Variants in PLXDC2 observed in about 807,000 individuals in gnomAD.
The protein encoded by PLXDC2 is plexin domain containing 2.
PLXDC2 carries 40 observed loss-of-function variants against 68.9 expected under a neutral mutation model. That is an observed-to-expected ratio of 0.58 (90% CI 0.45 to 0.76). The LOEUF is 0.76. PLXDC2 is among the 30% of genes least tolerant of loss of function. The probability of loss-of-function intolerance (pLI) is 0.00; values close to 1 mark genes in which losing one functional copy is unlikely to be tolerated. For missense variants in PLXDC2, 644 were observed against 661.9 expected (o/e 0.97, Z 0.30); for synonymous variants, 243 against 234.2 (o/e 1.04, Z -0.34).
At chr10:20,050,717 C>A (rs551791170) in intron 3 of PLXDC2, among the ~76,000 whole-genome samples, 70 of 150,382 alleles carry the variant, frequency 4.7e-4, no homozygotes, top group Non-Finnish European at 3.3e-4. Context: ...AAAAACAAAA[C>A]AAACAAACAA....
At position 20,109,754 on chromosome 10, in the gene PLXDC2, G is replaced by T. The variant is rs529727122; in HGVS notation, c.542-33541G>T. Reference sequence around the variant, plus strand: ...CCATTGCAATGAATCTTTAGAACTCGAATGACTTAACTATTCAATTAACTT... The same window carrying T: ...CCATTGCAATGAATCTTTAGAACTCTAATGACTTAACTATTCAATTAACTT... On this transcript the variant is annotated intron_variant, in intron 4 of 13. Transcript: ENST00000377252. 4.6e-5 allele frequency among the ~76,000 whole-genome samples: 7 copies of T among 152,210 alleles called. No homozygotes were observed. The South Asian group carries it at 6.2e-4, about 14-fold the overall frequency.
At chr10:20,223,518 G>T (rs983677242) in intron 12 of PLXDC2, among the ~76,000 whole-genome samples, 8 of 151,788 alleles carry the variant, frequency 5.3e-5, no homozygotes, top group African/African-American at 1.9e-4. Context: ...CCACCATGTT[G>T]GCCAGGCTGG....
At chr10:20,269,754 A>G (rs931566359) in intron 13 of PLXDC2, among the ~76,000 whole-genome samples, 4 of 152,146 alleles carry the variant, frequency 2.6e-5, no homozygotes, top group African/African-American at 9.7e-5. Flanking sequence ...ATGATGGCTC[A>G]CACCTGTGAT....
At chr10:19,915,670 C>T (rs1667518981) in intron 1 of PLXDC2, among the ~76,000 whole-genome samples, 1 of 151,988 alleles carries the variant, frequency 6.6e-6, no homozygotes, top group Non-Finnish European at 1.5e-5. Context: ...TTTCTTCCAT[C>T]TTGAGGTCCC....
intron 13 of PLXDC2, among the ~76,000 whole-genome samples, chr10:20,257,193 A>G (rs1308887021): frequency 6.6e-6 from 1 of 152,196 alleles, no homozygotes; most frequent in African/African-American, 2.4e-5. Flanking sequence ...TGAGCTCTTC[A>G]TTACCAGGGT....
At chr10:19,862,254 G>C (rs980659488) in intron 1 of PLXDC2, among the ~76,000 whole-genome samples, 1 of 152,130 alleles carries the variant, frequency 6.6e-6, no homozygotes, top group Non-Finnish European at 1.5e-5. Context: ...AAAGCTTATG[G>C]TTCTTGTGAC....
chr10:20,072,424 GAGAA>G (rs60778723), intron 4 of PLXDC2, among the ~76,000 whole-genome samples: 1 of 130,230 alleles, frequency 7.7e-6, no homozygotes, highest in Non-Finnish European at 1.6e-5. Context: ...GAAAGAAAGA[GAGAA>G]AGAAAGAAGA....
At chr10:19,881,307 G>A (rs1483270538) in intron 1 of PLXDC2, among the ~76,000 whole-genome samples, 2 of 151,878 alleles carry the variant, frequency 1.3e-5, no homozygotes. Context: ...GTAGACACAG[G>A]GTTTCACCAT....
chr10:19,832,564 T>A (rs1406979317), intron 1 of PLXDC2, among the ~76,000 whole-genome samples: 2 of 152,264 alleles, frequency 1.3e-5, no homozygotes, highest in African/African-American at 4.8e-5. Flanking sequence ...TCAATTTGCA[T>A]AATTTTTATA....
At chr10:19,966,721 C>T (rs1264555481) in intron 1 of PLXDC2, among the ~76,000 whole-genome samples, 1 of 152,132 alleles carries the variant, frequency 6.6e-6, no homozygotes. Context: ...TGTAGTCCCA[C>T]CACACTAGGC....
intron 4 of PLXDC2, among the ~76,000 whole-genome samples, chr10:20,115,251 G>T (rs556088294): frequency 6.6e-6 from 1 of 152,106 alleles, no homozygotes; most frequent in South Asian, 2.1e-4. Context: ...GATAGCAAAG[G>T]CCACTTGAGA....
chr10:20,159,173 A>T (rs7087157), intron 6 of PLXDC2, among the ~76,000 whole-genome samples: 44,931 of 151,980 alleles, frequency 0.3, 7,334 homozygotes, highest in East Asian at 0.51. Context: ...ATGTTTCAGG[A>T]CTGGTCTTGA....
Position 19,846,462 on chromosome 10 carries a change from G to A in PLXDC2, c.112+29271G>A, listed in dbSNP as rs148406555. ...TGACCCTTTGGTTTTCAAAGGGACT[G>A]CGTTATTGATGTGATACCTTCCATT... On this transcript the variant is annotated intron_variant, in intron 1 of 13. Transcript: ENST00000377252. Among the ~76,000 whole-genome samples, 4 of 152,196 alleles carry A rather than the reference G, an allele frequency of 2.6e-5. No homozygotes were observed. In the East Asian group the frequency reaches 5.8e-4, roughly 22 times the overall value.
In PLXDC2 at chr10:20,138,780, G is replaced by T. The variant is rs190795518; in HGVS notation, c.542-4515G>T. Reference sequence around the variant, plus strand: ...ATACTAAAATTAGCTGGGCATGGTGGTGCACACCTGTAATCCCAGCCACTC... The same window carrying T: ...ATACTAAAATTAGCTGGGCATGGTGTTGCACACCTGTAATCCCAGCCACTC... On this transcript the variant is annotated intron_variant, in intron 4 of 13. Coordinates refer to ENST00000377252, the MANE Select transcript of PLXDC2 (RefSeq NM_032812.9). 4.5e-3 allele frequency among the ~76,000 whole-genome samples: 680 copies of T among 152,200 alleles called. 12 individuals are homozygous for T. The highest frequency in any genetic ancestry group is 7.0e-3 in the East Asian group (36 of 5,158).
chr10:20,238,158 A>T (rs1372449947), intron 12 of PLXDC2, among the ~76,000 whole-genome samples: 2 of 149,764 alleles, frequency 1.3e-5, no homozygotes, highest in East Asian at 1.9e-4. Flanking sequence ...AAATATATAT[A>T]TGTATATACA....
At chr10:19,837,670 A>G (rs545830686) in intron 1 of PLXDC2, among the ~76,000 whole-genome samples, 1 of 152,292 alleles carries the variant, frequency 6.6e-6, no homozygotes, top group South Asian at 2.1e-4. Flanking sequence ...GGATTTTGCA[A>G]TTTGTTTTAT....
intron 13 of PLXDC2, among the ~76,000 whole-genome samples, chr10:20,278,751 T>C (rs1490988291): frequency 6.6e-6 from 1 of 152,208 alleles, no homozygotes; most frequent in Non-Finnish European, 1.5e-5. Flanking sequence ...ATATGTACAC[T>C]GACATATAAC....
At chr10:19,919,883 T>C (rs571592493) in intron 1 of PLXDC2, among the ~76,000 whole-genome samples, 2 of 152,360 alleles carry the variant, frequency 1.3e-5, no homozygotes, top group East Asian at 3.9e-4. Flanking sequence ...AACTACCTTC[T>C]AGTGTGTGAA....
chr10:20,156,195 T>G (rs1834214789), intron 6 of PLXDC2, among the ~76,000 whole-genome samples: 2 of 152,176 alleles, frequency 1.3e-5, no homozygotes, highest in African/African-American at 4.8e-5. Context: ...TTGACTATCT[T>G]GAGTCCAATG....
Sources: gnomAD v4.1 joint callset for allele counts (sites outside exome capture counted in the v4.1 genomes callset) on GRCh38, gnomAD v4.1.1 for gene constraint, MANE v1.5 for transcripts, NCBI Gene and HGNC (gene_info 2026-07-23, HGNC 2026-07-21) for gene names.